Variants in ZBTB7C observed in about 807,000 individuals in gnomAD.
The protein encoded by ZBTB7C is zinc finger and BTB domain containing 7C, also known as zinc finger and BTB domain-containing protein 7C.
Under a neutral mutation model 25.7 loss-of-function variants are expected in ZBTB7C, and 8 were observed. The ratio of observed to expected loss-of-function variants is 0.31; its 90% confidence interval spans 0.18 to 0.56. ZBTB7C has a LOEUF of 0.56. ZBTB7C is among the 20% of genes least tolerant of loss of function. ZBTB7C has a pLI of 0.91. For synonymous variants in ZBTB7C, 394 were observed against 369.0 expected (o/e 1.07, Z -0.78); for missense variants, 824 against 855.2 (o/e 0.96, Z 0.46).
At chr18:48,113,658 CAT>C (rs2039324618) in intron 3 of ZBTB7C, among the ~76,000 whole-genome samples, 1 of 151,712 alleles carries the variant, frequency 6.6e-6, no homozygotes, top group South Asian at 2.1e-4. Flanking sequence ...AAGAATGAAA[CAT>C]GTGCAAACGA....
chr18:48,345,206 G>A (rs952148965), intron 1 of ZBTB7C, among the ~76,000 whole-genome samples: 8 of 152,210 alleles, frequency 5.3e-5, no homozygotes, highest in African/African-American at 1.7e-4. Context: ...AAAATAGGAA[G>A]TCTGTGGATA....
intron 2 of ZBTB7C, among the ~76,000 whole-genome samples, chr18:48,210,137 G>A (rs2042670026): frequency 6.6e-6 from 1 of 152,204 alleles, no homozygotes; most frequent in Non-Finnish European, 1.5e-5. Flanking sequence ...CCTCTCATTA[G>A]AATGGCTAGA....
intron 2 of ZBTB7C, among the ~76,000 whole-genome samples, chr18:48,272,845 G>A (rs1362985972): frequency 6.6e-6 from 1 of 152,144 alleles, no homozygotes; most frequent in African/African-American, 2.4e-5. Flanking sequence ...ACTAATTTAT[G>A]CTAGGACATG....
At chr18:48,359,923 A>G (rs1243789577) in intron 1 of ZBTB7C, among the ~76,000 whole-genome samples, 1 of 152,222 alleles carries the variant, frequency 6.6e-6, no homozygotes, top group Non-Finnish European at 1.5e-5. Context: ...AAAAGCATAC[A>G]GCACATTGGG....
In ZBTB7C at chr18:48,137,412, G is replaced by GT. The variant is rs200797457; in HGVS notation, c.-17+48521dup. ...GGTTCCTCCGTTTTGTTTTTTGTGGGTTTCCCCCCACTCTCCTTCTCTAGT... is the reference window on the plus strand; with the variant it reads ...GGTTCCTCCGTTTTGTTTTTTGTGGGTTTTCCCCCCACTCTCCTTCTCTAGT... On this transcript the variant is annotated intron_variant, in intron 3 of 4. Coordinates refer to ENST00000590800, the MANE Select transcript of ZBTB7C (RefSeq NM_001318841.2). 3.0e-5 allele frequency: 24 copies of GT among 799,294 alleles called. 1 individual carries two copies. Among genetic ancestry groups the GT allele is most frequent in the East Asian group, 1.3e-4 (1 of 7,960 alleles). 49.5% of individuals were successfully genotyped at this position (799,294 alleles called of 1,614,324 possible).
chr18:48,074,036 C>G (rs1340798007), intron 3 of ZBTB7C, among the ~76,000 whole-genome samples: 3 of 144,336 alleles, frequency 2.1e-5, no homozygotes, highest in African/African-American at 7.7e-5. Flanking sequence ...TTTTTTCAGA[C>G]GGAGTCTCGT....
chr18:48,364,815 T>TA (rs1200054217), intron 1 of ZBTB7C, among the ~76,000 whole-genome samples: 1 of 152,228 alleles, frequency 6.6e-6, no homozygotes, highest in African/African-American at 2.4e-5. Context: ...AATGGTAGCA[T>TA]ACCATATGTA....
chr18:48,375,941 G>A (rs2047509786), intron 1 of ZBTB7C, among the ~76,000 whole-genome samples: 1 of 152,212 alleles, frequency 6.6e-6, no homozygotes, highest in Admixed American at 6.5e-5. Context: ...TACCCTCTGT[G>A]TTTTTCTGTC....
At chr18:48,242,049 A>G (rs1321668802) in intron 2 of ZBTB7C, among the ~76,000 whole-genome samples, 7 of 152,194 alleles carry the variant, frequency 4.6e-5, no homozygotes, top group Non-Finnish European at 1.0e-4. Flanking sequence ...GCAAAAGATC[A>G]TTTGAGGCTC....
intron 4 of ZBTB7C, among the ~76,000 whole-genome samples, chr18:48,032,601 A>AT (rs575381842): frequency 1.9e-4 from 28 of 150,244 alleles, no homozygotes; most frequent in Admixed American, 9.9e-4. Flanking sequence ...CGCCTGGCTA[A>AT]TTTTTTTTGT....
At chr18:48,355,841 G>A (rs571354197) in intron 1 of ZBTB7C, among the ~76,000 whole-genome samples, 58 of 152,314 alleles carry the variant, frequency 3.8e-4, no homozygotes, top group African/African-American at 1.3e-3. Flanking sequence ...GATCTGAGTG[G>A]GTGGGGGTAG....
At chr18:48,163,199 T>C (rs1222401032) in intron 3 of ZBTB7C, among the ~76,000 whole-genome samples, 3 of 152,134 alleles carry the variant, frequency 2.0e-5, no homozygotes, top group Non-Finnish European at 1.5e-5. Flanking sequence ...AAAAGGACAG[T>C]TGGAAAATGA....
At chr18:48,082,318 G>A (rs1009719213) in intron 3 of ZBTB7C, among the ~76,000 whole-genome samples, 5 of 152,164 alleles carry the variant, frequency 3.3e-5, no homozygotes, top group Non-Finnish European at 5.9e-5. Context: ...AAGAATACAG[G>A]TAAAACTTCC....
At chr18:48,212,863 G>T (rs2042734400) in intron 2 of ZBTB7C, among the ~76,000 whole-genome samples, 1 of 152,044 alleles carries the variant, frequency 6.6e-6, no homozygotes, top group Admixed American at 6.5e-5. Flanking sequence ...TGGGGAAGGA[G>T]AATATAGGCC....
chr18:48,321,463 G>C (rs1300770115), intron 2 of ZBTB7C, among the ~76,000 whole-genome samples: 3 of 152,158 alleles, frequency 2.0e-5, no homozygotes, highest in Non-Finnish European at 2.9e-5. Context: ...GCAGCCTGGA[G>C]AGTTGAGTGG....
chr18:48,071,596 A>G (rs1257224526), intron 3 of ZBTB7C, among the ~76,000 whole-genome samples: 4 of 152,252 alleles, frequency 2.6e-5, no homozygotes, highest in Non-Finnish European at 5.9e-5. Context: ...TCCTCAAAAA[A>G]TTAGACATGG....
Position 48,169,161 on chromosome 18 carries a change from C to T in ZBTB7C, c.-17+16773G>A, listed in dbSNP as rs140830151. Among the ~76,000 whole-genome samples, 606 of 152,292 alleles carry T rather than the reference C, an allele frequency of 4.0e-3. 6 individuals are homozygous for T. Among genetic ancestry groups the T allele is most frequent in the African/African-American group, 0.014 (566 of 41,552 alleles). ...GCACTGACTTTATTTTCAGGCAATG[C>T]GGGTTAGGATTCTACCTCCTACTGC... On this transcript the variant is annotated intron_variant, in intron 3 of 4. Coordinates refer to ENST00000590800, the MANE Select transcript of ZBTB7C (RefSeq NM_001318841.2).
chr18:48,410,704 T>G (rs1344170733), upstream of ZBTB7C: 1 of 152,340 alleles, frequency 6.6e-6, no homozygotes, highest in Non-Finnish European at 1.5e-5. Flanking sequence ...CCCTCTGCGC[T>G]CCAGACAGAC....
intron 2 of ZBTB7C, among the ~76,000 whole-genome samples, chr18:48,275,222 A>G (rs1412718258): frequency 6.6e-6 from 1 of 152,192 alleles, no homozygotes; most frequent in African/African-American, 2.4e-5. Flanking sequence ...GGGAAAACAT[A>G]TATGCATGCT....
Sources: allele counts gnomAD v4.1 joint callset (sites outside exome capture counted in the v4.1 genomes callset), GRCh38; gene constraint gnomAD v4.1.1; transcripts MANE v1.5; gene names NCBI Gene and HGNC (gene_info 2026-07-23, HGNC 2026-07-21).